The following EFEMP1 variants were observed in gnomAD, a reference collection of about 807,000 sequenced individuals.
EFEMP1 encodes EGF-like fibulin extracellular matrix protein 1, also known as EGF-containing fibulin-like extracellular matrix protein 1.
Under a neutral mutation model 65.7 loss-of-function variants are expected in EFEMP1, and 18 were observed. The ratio of observed to expected loss-of-function variants is 0.27; its 90% CI spans 0.19 to 0.41. The LOEUF is 0.41. EFEMP1 is among the 10% of genes least tolerant of loss of function. The pLI is 1.00. For synonymous variants in EFEMP1, 237 were observed against 219.7 expected, an observed-to-expected ratio of 1.08 and a Z score of -0.70; for missense variants, 469 against 624.8, an observed-to-expected ratio of 0.75 and a Z score of 2.66.
intron 11 of EFEMP1, among the ~76,000 whole-genome samples, chr2:55,869,649 A>G (rs977787397): frequency 1.1e-4 from 17 of 152,214 alleles, no homozygotes; most frequent in Admixed American, 8.5e-4. Flanking sequence ...TACCACAAGG[A>G]TGAATTTCCC....
At chr2:55,903,013 A>T (rs974998072) in intron 5 of EFEMP1, among the ~76,000 whole-genome samples, 2 of 152,192 alleles carry the variant, frequency 1.3e-5, no homozygotes, top group Admixed American at 1.3e-4. Flanking sequence ...TGAAAGGACA[A>T]CTCTTAATTT....
At chr2:55,913,368 G>A (rs1231048752) in intron 5 of EFEMP1, among the ~76,000 whole-genome samples, 3 of 152,020 alleles carry the variant, frequency 2.0e-5, no homozygotes, top group South Asian at 2.1e-4. Flanking sequence ...TACTGTACTC[G>A]ATTTGGTTTT....
At chr2:55,900,087 C>A (rs868686803) in intron 5 of EFEMP1, among the ~76,000 whole-genome samples, 1 of 152,124 alleles carries the variant, frequency 6.6e-6, no homozygotes, top group African/African-American at 2.4e-5. Context: ...CAGAAACCTA[C>A]AACAAACTGG....
chr2:55,866,952 A>G lies in EFEMP1; in HGVS notation c.*121T>C, dbSNP rs1254223027. On this transcript the variant is annotated 3_prime_UTR_variant, in exon 12 of 12. Coordinates refer to ENST00000355426, the MANE Select transcript of EFEMP1 (RefSeq NM_001039348.3). The stretch of plus-strand genomic sequence containing the variant: ...ATACCATGGTGTAATTGTTTGAATT[A>G]TGGGTGAGTGTACAGTATAGAGATG... 3.1e-6 allele frequency: 4 copies of G among 1,272,418 alleles called. No individual in the cohort carries two copies. Among genetic ancestry groups the G allele is most frequent in the Non-Finnish European group, 4.5e-6 (4 of 891,212 alleles). The allele number at this position is 1,272,418 out of a possible 1,614,324, so 78.8% of individuals were successfully genotyped here.
intron 5 of EFEMP1, among the ~76,000 whole-genome samples, chr2:55,889,824 T>TA (rs3048101): frequency 0.034 from 4,848 of 142,322 alleles, 161 homozygotes; most frequent in South Asian, 0.17. Flanking sequence ...AAAGGAATGG[T>TA]AAAAAAAAAA....
At position 55,870,147 on chromosome 2, in the gene EFEMP1, C is replaced by T. The variant is rs1189343055; in HGVS notation, c.1320+573G>A. On this transcript the variant is annotated intron_variant, in intron 11 of 11. Transcript: ENST00000355426. This position sits in a 1 kb window ranked among gnomAD's most constrained non-coding sequence, Gnocchi z 5.8. ...GGCAAGAATGGTACAACTACTGACA[C>T]ATACTGTGCGGGGAGGTGGGGTCAC... Among the ~76,000 whole-genome samples the T allele has an allele frequency of 6.6e-6, 1 of 152,114 alleles. No individual in the cohort carries two copies. The highest frequency in any genetic ancestry group is 2.4e-5 in the African/African-American group (1 of 41,414).
chr2:55,904,610 G>C (rs746414514), intron 5 of EFEMP1, among the ~76,000 whole-genome samples: 18 of 152,186 alleles, frequency 1.2e-4, no homozygotes, highest in Non-Finnish European at 1.9e-4. Context: ...CTTCTTGAGA[G>C]GGGACATCCA....
At position 55,866,953 on chromosome 2, in the gene EFEMP1, T is replaced by C; in HGVS notation, c.*120A>G. 3.1e-6 allele frequency: 4 copies of C among 1,275,542 alleles called. 1 individual carries two copies. The highest frequency in any genetic ancestry group is 4.5e-6 in the Non-Finnish European group (4 of 893,374). The allele number at this position is 1,275,542 out of a possible 1,614,324, so 79.0% of individuals were successfully genotyped here. ...TACCATGGTGTAATTGTTTGAATTA[T>C]GGGTGAGTGTACAGTATAGAGATGT... is the stretch of plus-strand genomic sequence containing the variant. On this transcript the variant is annotated 3_prime_UTR_variant, in exon 12 of 12. Coordinates refer to ENST00000355426, the MANE Select transcript of EFEMP1 (RefSeq NM_001039348.3).
chr2:55,909,110 C>T (rs1670388555), intron 5 of EFEMP1, among the ~76,000 whole-genome samples: 1 of 152,102 alleles, frequency 6.6e-6, no homozygotes, highest in Non-Finnish European at 1.5e-5. Flanking sequence ...TACTGATGGA[C>T]CACACTAATA....
In EFEMP1 at chr2:55,886,958, A is replaced by T. The variant is rs1669442666; in HGVS notation, c.518-5224T>A. Among the ~76,000 whole-genome samples the T allele has an allele frequency of 6.6e-6, 1 of 152,166 alleles. No individual in the cohort carries two copies. The highest frequency in any genetic ancestry group is 2.4e-5 in the African/African-American group (1 of 41,450). Reference sequence around the variant, plus strand: ...AAATCTGATTTAGAAAAAAGTATATAATATTTTATACAGATTCATATACAA... The same window carrying T: ...AAATCTGATTTAGAAAAAAGTATATTATATTTTATACAGATTCATATACAA... On this transcript the variant is annotated intron_variant, in intron 5 of 11. Transcript: ENST00000355426. This position sits in a 1 kb window ranked among gnomAD's most constrained non-coding sequence, Gnocchi z 4.0.
intron 11 of EFEMP1, among the ~76,000 whole-genome samples, chr2:55,868,965 A>G (rs1435862781): frequency 6.6e-6 from 1 of 152,158 alleles, no homozygotes; most frequent in South Asian, 2.1e-4. Context: ...TGTGATAAGA[A>G]ATAGTCTTGA....
rs1670816543 is a variant in EFEMP1 at position 55,919,089 on chromosome 2, G to A, written c.82-822C>T. ...GACAGAGGAGGTGACAGTAAATCAGGCTTTACAGGATGAGCAGGATTTTTC... is the reference window on the plus strand; with the variant it reads ...GACAGAGGAGGTGACAGTAAATCAGACTTTACAGGATGAGCAGGATTTTTC... On this transcript the variant is annotated intron_variant, in intron 3 of 11. Coordinates refer to ENST00000355426, the MANE Select transcript of EFEMP1 (RefSeq NM_001039348.3). The surrounding 1 kb of genome is among the most constrained non-coding windows in gnomAD (Gnocchi z 4.5). Among the ~76,000 whole-genome samples the A allele has an allele frequency of 6.6e-6, 1 of 152,218 alleles. No individual in the cohort carries two copies. Among genetic ancestry groups the A allele is most frequent in the South Asian group, 2.1e-4 (1 of 4,838 alleles).
chr2:55,910,114 T>G (rs1306391036), intron 5 of EFEMP1, among the ~76,000 whole-genome samples: 1 of 152,232 alleles, frequency 6.6e-6, no homozygotes, highest in Non-Finnish European at 1.5e-5. Context: ...AGTACACATT[T>G]ATATACATTG....
In EFEMP1 at chr2:55,923,150, T is replaced by C. The variant is rs796892299; in HGVS notation, c.-48-211A>G. Among the ~76,000 whole-genome samples the C allele has an allele frequency of 5.3e-5, 8 of 152,188 alleles. No individual in the cohort carries two copies. The South Asian group carries it at 1.7e-3, about 31-fold the overall frequency. On this transcript the variant is annotated intron_variant, in intron 1 of 11. Coordinates refer to ENST00000355426, the MANE Select transcript of EFEMP1 (RefSeq NM_001039348.3). This position sits in a 1 kb window ranked among gnomAD's most constrained non-coding sequence, Gnocchi z 5.3. The stretch of plus-strand genomic sequence containing the variant: ...AGCTTTGTTTAAAAGTCCCAGGTTG[T>C]GTGGAGGGGCAGCCCAAAGCGACTG...
intron 5 of EFEMP1, among the ~76,000 whole-genome samples, chr2:55,887,066 G>A (rs1471379605): frequency 2.6e-5 from 4 of 152,086 alleles, no homozygotes; most frequent in Non-Finnish European, 5.9e-5. Flanking sequence ...TGATTGGGAA[G>A]GCAGAATTAC....
At chr2:55,896,229 T>A (rs578148704) in intron 5 of EFEMP1, among the ~76,000 whole-genome samples, 1 of 152,370 alleles carries the variant, frequency 6.6e-6, no homozygotes, top group South Asian at 2.1e-4. Context: ...TATATCATCA[T>A]TACAACACTT....
rs1669303389 is a variant in EFEMP1 at position 55,883,019 on chromosome 2, G to A, written c.518-1285C>T. The stretch of plus-strand genomic sequence containing the variant: ...GAGGACTGCGCATTTACACTATGCA[G>A]TATAATAATATATGAAGTTGAGATT... On this transcript the variant is annotated intron_variant, in intron 5 of 11. Coordinates refer to ENST00000355426, the MANE Select transcript of EFEMP1 (RefSeq NM_001039348.3). The surrounding 1 kb of genome is among the most constrained non-coding windows in gnomAD (Gnocchi z 4.5). 1.3e-5 allele frequency among the ~76,000 whole-genome samples: 2 copies of A among 152,158 alleles called. No homozygotes were observed. Among genetic ancestry groups the A allele is most frequent in the South Asian group, 4.1e-4 (2 of 4,830 alleles).
chr2:55,891,974 C>T (rs1272289303), intron 5 of EFEMP1, among the ~76,000 whole-genome samples: 1 of 151,830 alleles, frequency 6.6e-6, no homozygotes, highest in Admixed American at 6.6e-5. Context: ...ATTATGATGA[C>T]ATAGGCTGTG....
chr2:55,875,555 C>G (rs1193064081), intron 8 of EFEMP1, among the ~76,000 whole-genome samples: 1 of 152,072 alleles, frequency 6.6e-6, no homozygotes, highest in Non-Finnish European at 1.5e-5. Flanking sequence ...TTTTTCTTAT[C>G]ATGACTTTTA....
Sources: allele counts gnomAD v4.1 joint callset (sites outside exome capture counted in the v4.1 genomes callset), GRCh38; gene constraint gnomAD v4.1.1; non-coding constraint Gnocchi (gnomAD v3.1); transcripts MANE v1.5; gene names NCBI Gene and HGNC (gene_info 2026-07-23, HGNC 2026-07-21).